The following SLC26A9 variants were observed in gnomAD, a reference collection of about 807,000 sequenced individuals.
SLC26A9 encodes the protein solute carrier family 26 member 9.
In SLC26A9, 46 loss-of-function variants were observed where a neutral mutation model predicts 87.1. The observed-to-expected ratio is 0.53, with a 90% CI of 0.42 to 0.67. The LOEUF is 0.67. Ranked by LOEUF, SLC26A9 falls within the 30% of genes least tolerant of loss-of-function variation. The pLI is 0.00. For synonymous variants in SLC26A9, 437 were observed against 409.1 expected (o/e 1.07, Z -0.82); for missense variants, 927 against 1,018.3 (o/e 0.91, Z 1.22).
chr1:205,921,743 G>A lies in SLC26A9; in HGVS notation c.1878C>T (p.Thr626=), dbSNP rs567811730. Residue 626 remains threonine (T), a synonymous_variant, in exon 17 of 21, where the codon ACC becomes ACT. Coordinates refer to ENST00000367135, the MANE Select transcript of SLC26A9 (RefSeq NM_052934.4). Reference sequence around the variant, plus strand: ...CAGGTGAGGAGCTGTCAGGGCTGAAGGTGATATAGGACACGCTGGTGCCGT... The same window carrying A: ...CAGGTGAGGAGCTGTCAGGGCTGAAAGTGATATAGGACACGCTGGTGCCGT... ...PANGTSVSYI[T]FSPDSSSPAQ... is the part of the protein sequence containing the mutation. The A allele has an allele frequency of 6.3e-7, 1 of 1,594,272 alleles. No individual in the cohort carries two copies. Among genetic ancestry groups the A allele is most frequent in the East Asian group, 2.3e-5 (1 of 43,816 alleles).
At chr1:205,931,827 C>A (rs774179638) in intron 5 of SLC26A9, 33 bp downstream of exon 5, 5 of 1,594,204 alleles carry the variant, frequency 3.1e-6, no homozygotes, top group Non-Finnish European at 4.3e-6. Context: ...TGGTCTGATG[C>A]CCTTCTAGCA....
Position 205,914,785 on chromosome 1 carries a change from C to A in SLC26A9, c.*572G>T. The A allele has an allele frequency of 1.4e-6, 2 of 1,405,672 alleles. No individual in the cohort carries two copies. The highest frequency in any genetic ancestry group is 1.9e-6 in the Non-Finnish European group (2 of 1,030,368). The allele number at this position is 1,405,672 out of a possible 1,614,324, so 87.1% of individuals were successfully genotyped here. ...GAGGGGGGGCGCATAGTTACCAAGG[C>A]CTAGACTCCTGGGTGTGGAGAGCAC... On this transcript the variant is annotated 3_prime_UTR_variant, in exon 21 of 21. Coordinates refer to ENST00000367135, the MANE Select transcript of SLC26A9 (RefSeq NM_052934.4).
intron 12 of SLC26A9, among the ~76,000 whole-genome samples, chr1:205,926,055 C>G (rs759301602): frequency 2.6e-5 from 4 of 152,176 alleles, no homozygotes; most frequent in Non-Finnish European, 5.9e-5. Context: ...AAATAGAACC[C>G]CAGGGAAGTC....
chr1:205,931,217 A>G (rs12039205), intron 5 of SLC26A9, among the ~76,000 whole-genome samples: 1 of 152,074 alleles, frequency 6.6e-6, no homozygotes. Context: ...GAGGCTGGAG[A>G]GGAGTGAGGG....
intron 20 of SLC26A9, 25 bp downstream of exon 20, chr1:205,917,258 C>G: frequency 6.2e-7 from 1 of 1,613,806 alleles, no homozygotes; most frequent in Non-Finnish European, 8.5e-7. Context: ...TGCTCCCACC[C>G]TCACAGCCCC....
Position 205,914,834 on chromosome 1 carries a change from C to T in SLC26A9, c.*523G>A. 1 of 1,563,610 alleles carries T rather than the reference C, an allele frequency of 6.4e-7. No individual in the cohort carries two copies. The highest frequency in any genetic ancestry group is 1.2e-5 in the South Asian group (1 of 81,266). ...ACATGGTCCCTGGGTGCAGAGCTGC[C>T]AGAGACAGAGTTGAGGCAGCTGGGG... is the stretch of plus-strand genomic sequence containing the variant. On this transcript the variant is annotated 3_prime_UTR_variant, in exon 21 of 21. Coordinates refer to ENST00000367135, the MANE Select transcript of SLC26A9 (RefSeq NM_052934.4).
chr1:205,927,691 G>A (rs1195227859), intron 9 of SLC26A9, 86 bp from the exon 10 acceptor site: 5 of 1,422,002 alleles, frequency 3.5e-6, no homozygotes, highest in East Asian at 4.6e-5. Context: ...GCTGGACTGT[G>A]GGCCTAAGAC....
intron 17 of SLC26A9, 76 bp from the exon 18 acceptor site, chr1:205,920,306 G>A (rs753748820): frequency 2.3e-5 from 37 of 1,575,820 alleles, no homozygotes; most frequent in South Asian, 1.4e-4. Flanking sequence ...TTCACAAAAC[G>A]TACTTCAGAG....
At chr1:205,928,739 A>G in intron 8 of SLC26A9, 88 bp downstream of exon 8, 1 of 1,252,136 alleles carries the variant, frequency 8.0e-7, no homozygotes, top group Non-Finnish European at 1.2e-6. Context: ...GCACTTTCAT[A>G]GAGTTCATCT....
chr1:205,924,520 T>G, intron 12 of SLC26A9, 31 bp from the exon 13 acceptor site: 1 of 1,607,324 alleles, frequency 6.2e-7, no homozygotes. Context: ...AAAGCAGACC[T>G]GGGGAAAAAA....
chr1:205,928,993 G>C (rs139202764), intron 7 of SLC26A9, 84 bp from the exon 8 acceptor site: 9 of 1,552,188 alleles, frequency 5.8e-6, no homozygotes, highest in Non-Finnish European at 8.0e-6. Context: ...CTTTTCTCTG[G>C]GGACCCTGAA....
At chr1:205,933,569 C>T (rs1275884287) in intron 2 of SLC26A9, among the ~76,000 whole-genome samples, 2 of 152,208 alleles carry the variant, frequency 1.3e-5, no homozygotes, top group East Asian at 3.8e-4. Flanking sequence ...TCTAGCTCTC[C>T]TGTTCATCTT....
chr1:205,924,794 G>A (rs1658999812), intron 12 of SLC26A9: 1 of 296,464 alleles, frequency 3.4e-6, no homozygotes. Context: ...GGTTCAAAAT[G>A]TGTTTGTTTG....
intron 11 of SLC26A9, 28 bp downstream of exon 11, chr1:205,927,183 G>A (rs1458140388): frequency 1.2e-6 from 2 of 1,612,192 alleles, no homozygotes; most frequent in Non-Finnish European, 1.7e-6. Flanking sequence ...GTCTTTCGTT[G>A]ACTTCTGCTC....
intron 16 of SLC26A9, 47 bp from the exon 17 acceptor site, chr1:205,921,894 G>A: frequency 6.4e-7 from 1 of 1,570,926 alleles, no homozygotes; most frequent in South Asian, 1.2e-5. Flanking sequence ...ACCAGACTGA[G>A]CCAGACCTTG....
At chr1:205,933,617 T>C (rs528444127) in intron 2 of SLC26A9, among the ~76,000 whole-genome samples, 2 of 152,284 alleles carry the variant, frequency 1.3e-5, no homozygotes, top group South Asian at 4.1e-4. Context: ...ACTTAGTAAA[T>C]ATTTGTTGAA....
rs532310381 is a variant in SLC26A9, at chr1:205,923,315, C to T, written c.1659+20G>A. 1.9e-4 allele frequency: 314 copies of T among 1,613,550 alleles called. No homozygotes were observed. Among genetic ancestry groups the T allele is most frequent in the Non-Finnish European group, 2.4e-4 (278 of 1,179,730 alleles). ...CCACTCTCTGTCCAGAGCCTCTGGT[C>T]GCCAGGGACTGAGCCTTACCTTGGC... is the stretch of plus-strand genomic sequence containing the variant. On this transcript the variant is annotated intron_variant, in intron 15 of 20. Coordinates refer to ENST00000367135, the MANE Select transcript of SLC26A9 (RefSeq NM_052934.4).
intron 12 of SLC26A9, among the ~76,000 whole-genome samples, chr1:205,924,953 C>A (rs1659005555): frequency 6.8e-6 from 1 of 146,814 alleles, no homozygotes; most frequent in African/African-American, 2.5e-5. Context: ...CGTGCCACCA[C>A]ACCCAGCTAA....
chr1:205,931,948 G>T lies in SLC26A9; in HGVS notation c.464C>A (p.Thr155Asn). ...TGCTGTGTCCACATAGCTCTCATTG[G>T]TGGCATTGTTGAAGACCTGGAATTT... ...ESKFQVFNNA[T>N]NESYVDTAAM... Residue 155 changes from threonine to asparagine, a missense_variant, in exon 5 of 21, where the codon ACC (threonine) becomes AAC (asparagine). Transcript: ENST00000367135. The T allele has an allele frequency of 6.2e-7, 1 of 1,614,234 alleles. No homozygotes were observed. Among genetic ancestry groups the T allele is most frequent in the Non-Finnish European group, 8.5e-7 (1 of 1,180,046 alleles).
Sources: gnomAD v4.1 joint callset for allele counts (sites outside exome capture counted in the v4.1 genomes callset) on GRCh38, gnomAD v4.1.1 for gene constraint, MANE v1.5 for transcripts, NCBI Gene and HGNC (gene_info 2026-07-23, HGNC 2026-07-21) for gene names.